Variants in GRB2 observed in about 807,000 individuals in gnomAD.
GRB2 encodes growth factor receptor bound protein 2.
In GRB2, 2 loss-of-function variants were observed where a neutral mutation model predicts 27.4. The observed-to-expected ratio is 0.07, with a 90% CI of 0.03 to 0.23. The LOEUF (loss-of-function observed/expected upper bound fraction) is 0.23, where lower values mean the gene tolerates loss of function less well. Ranked by LOEUF, GRB2 falls within the 10% of genes least tolerant of loss-of-function variation. The pLI, the probability that GRB2 is intolerant of heterozygous loss-of-function variation, is 1.00. For missense variants in GRB2, 102 were observed against 282.4 expected, an observed-to-expected ratio of 0.36 and a Z score of 4.58; for synonymous variants, 94 against 99.6, an observed-to-expected ratio of 0.94 and a Z score of 0.33.
At chr17:75,401,025 T>G (rs982468764) in intron 1 of GRB2, among the ~76,000 whole-genome samples, 6 of 151,572 alleles carry the variant, frequency 4.0e-5, no homozygotes, top group African/African-American at 1.5e-4. Flanking sequence ...TGCAGTGGTA[T>G]GATCTCTGCT....
intron 2 of GRB2, among the ~76,000 whole-genome samples, chr17:75,382,503 C>T (rs1431999465): frequency 1.3e-5 from 2 of 152,178 alleles, no homozygotes; most frequent in Non-Finnish European, 2.9e-5. Context: ...CTCCAACAGG[C>T]ACTTCCTTTG....
At chr17:75,328,321 C>T (rs1449826445) in intron 3 of GRB2, among the ~76,000 whole-genome samples, 1 of 148,904 alleles carries the variant, frequency 6.7e-6, no homozygotes, top group Non-Finnish European at 1.5e-5. Context: ...GAGACTCTGT[C>T]TCAAAAAAAT....
intron 2 of GRB2, among the ~76,000 whole-genome samples, chr17:75,369,023 CAAAG>C (rs1345361217): frequency 2.0e-5 from 3 of 152,126 alleles, no homozygotes; most frequent in Non-Finnish European, 1.5e-5. Context: ...AATTGTGACA[CAAAG>C]AAGTTTAAAA....
chr17:75,345,925 A>G (rs1051838854), intron 2 of GRB2, among the ~76,000 whole-genome samples: 1 of 152,128 alleles, frequency 6.6e-6, no homozygotes, highest in Non-Finnish European at 1.5e-5. Context: ...GCAGAAGACC[A>G]CAGTATGCAA....
At chr17:75,392,431 T>C (rs1464195551) in intron 2 of GRB2, among the ~76,000 whole-genome samples, 1 of 152,142 alleles carries the variant, frequency 6.6e-6, no homozygotes, top group Non-Finnish European at 1.5e-5. Flanking sequence ...AACTTCAGAG[T>C]AGAACTCTAC....
In GRB2 at chr17:75,319,501, C is replaced by T. The variant is rs529548195; in HGVS notation, c.*867G>A. ...TCGCTCTGTCACCCAGGCTGGAGTA[C>T]AATGGCACGGTCCCGGCTCACTCAA... On this transcript the variant is annotated 3_prime_UTR_variant, in exon 6 of 6. Coordinates refer to ENST00000316804, the MANE Select transcript of GRB2 (RefSeq NM_002086.5). 6.9e-6 allele frequency: 1 copy of T among 145,690 alleles called. No individual in the cohort carries two copies. The highest frequency in any genetic ancestry group is 1.5e-5 in the Non-Finnish European group (1 of 67,120). The allele number at this position is 145,690 out of a possible 1,614,324, so 9.0% of individuals were successfully genotyped here. A position where few individuals can be genotyped will look rare whatever the true frequency, so the allele number is the denominator to read the frequency against.
At chr17:75,334,559 T>C (rs1247071057) in intron 2 of GRB2, among the ~76,000 whole-genome samples, 1 of 151,932 alleles carries the variant, frequency 6.6e-6, no homozygotes, top group East Asian at 1.9e-4. Flanking sequence ...AGATTACAGG[T>C]GTGAGCCACC....
intron 2 of GRB2, among the ~76,000 whole-genome samples, chr17:75,379,553 C>G (rs2078914768): frequency 6.6e-6 from 1 of 152,024 alleles, no homozygotes; most frequent in South Asian, 2.1e-4. Context: ...CATGCACCAC[C>G]ACACCTGGTT....
intron 5 of GRB2, among the ~76,000 whole-genome samples, chr17:75,321,098 C>T (rs372094215): frequency 1.5e-4 from 23 of 151,620 alleles, no homozygotes; most frequent in African/African-American, 5.6e-4. Context: ...GACCATCTCC[C>T]TAGAGAGGCT....
intron 1 of GRB2, among the ~76,000 whole-genome samples, chr17:75,402,174 G>T (rs537955403): frequency 2.6e-5 from 4 of 152,176 alleles, no homozygotes; most frequent in African/African-American, 9.7e-5. Flanking sequence ...AATATCTCCT[G>T]TAATTTACTG....
chr17:75,389,100 T>A (rs2078982745), intron 2 of GRB2, among the ~76,000 whole-genome samples: 2 of 152,122 alleles, frequency 1.3e-5, no homozygotes, highest in South Asian at 4.1e-4. Flanking sequence ...ACACACACAA[T>A]GCTCTTCATC....
chr17:75,378,947 G>T (rs1463219416), intron 2 of GRB2, among the ~76,000 whole-genome samples: 1 of 152,154 alleles, frequency 6.6e-6, no homozygotes, highest in African/African-American at 2.4e-5. Context: ...ATATGATTTT[G>T]AGAAAAGTCT....
intron 2 of GRB2, among the ~76,000 whole-genome samples, chr17:75,347,030 T>C (rs945781703): frequency 7.2e-5 from 11 of 152,140 alleles, no homozygotes; most frequent in African/African-American, 2.7e-4. Context: ...GTGGACAGTC[T>C]TGGACTCTCA....
At chr17:75,380,687 G>A (rs1358345676) in intron 2 of GRB2, among the ~76,000 whole-genome samples, 1 of 152,096 alleles carries the variant, frequency 6.6e-6, no homozygotes, top group Non-Finnish European at 1.5e-5. Context: ...ATGAATACAT[G>A]CCATATTTCT....
chr17:75,382,835 A>T (rs1265056294), intron 2 of GRB2, among the ~76,000 whole-genome samples: 1 of 152,052 alleles, frequency 6.6e-6, no homozygotes, highest in African/African-American at 2.4e-5. Context: ...CAGCCTCCTG[A>T]GTAGCTGGGA....
intron 2 of GRB2, among the ~76,000 whole-genome samples, chr17:75,353,455 T>C (rs1399157421): frequency 8.6e-6 from 1 of 116,548 alleles, no homozygotes; most frequent in Non-Finnish European, 2.1e-5. Context: ...CTCGAGTTTC[T>C]ATGCCCTTAA....
Position 75,332,713 on chromosome 17 carries a change from T to C in GRB2, c.163A>G (p.Met55Val). 6.2e-7 allele frequency: 1 copy of C among 1,603,984 alleles called. No homozygotes were observed. The highest frequency in any genetic ancestry group is 8.5e-7 in the Non-Finnish European group (1 of 1,171,552). Residue 55 changes from methionine (M) to valine (V), a missense_variant, in exon 3 of 6, where the codon ATG becomes GTG. By Grantham distance (21) the Met-to-Val change is conservative. Coordinates refer to ENST00000316804, the MANE Select transcript of GRB2 (RefSeq NM_002086.5). Reference sequence around the variant, plus strand: ...AGCTTAACTTACGGATGTGGTTTCATTTCTATGTAGTTCTTGGGAATGAAG... The same window carrying C: ...AGCTTAACTTACGGATGTGGTTTCACTTCTATGTAGTTCTTGGGAATGAAG... ...DGFIPKNYIE[M>V]KPHPWFFGKI... is the part of the protein sequence containing the mutation.
chr17:75,383,466 T>A (rs1297223201), intron 2 of GRB2, among the ~76,000 whole-genome samples: 1 of 152,172 alleles, frequency 6.6e-6, no homozygotes, highest in Non-Finnish European at 1.5e-5. Context: ...ACTAATCACC[T>A]CTTATCAATG....
At chr17:75,389,003 G>A (rs2078982173) in intron 2 of GRB2, among the ~76,000 whole-genome samples, 1 of 152,040 alleles carries the variant, frequency 6.6e-6, no homozygotes, top group Non-Finnish European at 1.5e-5. Flanking sequence ...ATCCCAGGTT[G>A]ATACAGACAC....
Sources: gnomAD v4.1 joint callset for allele counts (sites outside exome capture counted in the v4.1 genomes callset) on GRCh38, gnomAD v4.1.1 for gene constraint, MANE v1.5 for transcripts, NCBI Gene and HGNC (gene_info 2026-07-23, HGNC 2026-07-21) for gene names.